Variants in PUS7L observed in about 807,000 individuals in gnomAD.
PUS7L encodes the protein pseudouridine synthase 7 like.
Under a neutral mutation model 51.1 loss-of-function variants are expected in PUS7L, and 49 were observed. That is an observed-to-expected ratio of 0.96 (90% confidence interval 0.76 to 1.22). The LOEUF (loss-of-function observed/expected upper bound fraction) is 1.22, where lower values mean the gene tolerates loss of function less well. Ranked by LOEUF, PUS7L falls within the 50% of genes most tolerant of loss-of-function variation. The probability of loss-of-function intolerance (pLI) is 0.00; values close to 1 mark genes in which losing one functional copy is unlikely to be tolerated. For synonymous variants in PUS7L, 277 were observed against 276.2 expected, an observed-to-expected ratio of 1.00 and a Z score of -0.03; for missense variants, 828 against 820.6, an observed-to-expected ratio of 1.01 and a Z score of -0.11.
At position 43,723,353 on chromosome 12, in the gene PUS7L, A is replaced by C. The variant is rs561091642; in HGVS notation, c.*7023T>G. 7.9e-4 allele frequency: 121 copies of C among 152,256 alleles called. No homozygotes were observed. Among genetic ancestry groups the C allele is most frequent in the African/African-American group, 2.8e-3 (116 of 41,594 alleles). The allele number at this position is 152,256 out of a possible 1,614,324, so 9.4% of individuals were successfully genotyped here. On this transcript the variant is annotated 3_prime_UTR_variant, in exon 9 of 9. Transcript: ENST00000344862. ...CCATTCTTTAAACTAGTAGCTTTTT[A>C]GAAAGCAGCATTTAGACTGAATAGT...
chr12:43,734,674 T>C (rs1208230005), intron 7 of PUS7L, among the ~76,000 whole-genome samples: 5 of 152,180 alleles, frequency 3.3e-5, no homozygotes, highest in African/African-American at 1.2e-4. Flanking sequence ...ATTTTTCTAG[T>C]AGAGACCCAA....
intron 2 of PUS7L, 22 bp from the exon 3 acceptor site, chr12:43,748,631 G>C (rs1163865483): frequency 1.9e-6 from 3 of 1,555,164 alleles, no homozygotes; most frequent in Non-Finnish European, 1.7e-6. Flanking sequence ...AAAAAACTTA[G>C]ATCACAAAAA....
At chr12:43,738,749 C>A in intron 5 of PUS7L, 2 of 241,988 alleles carry the variant, frequency 8.3e-6, no homozygotes, top group South Asian at 6.1e-5. Flanking sequence ...GTATTAAACC[C>A]TTATTTTTAA....
At chr12:43,734,868 C>T (rs1021136447) in intron 7 of PUS7L, among the ~76,000 whole-genome samples, 1 of 152,176 alleles carries the variant, frequency 6.6e-6, no homozygotes, top group East Asian at 1.9e-4. Flanking sequence ...GAAAGTGTTA[C>T]TCAAATTTTC....
intron 8 of PUS7L, among the ~76,000 whole-genome samples, 186 bp downstream of exon 8, chr12:43,731,518 AT>A (rs1437336256): frequency 6.6e-6 from 1 of 152,174 alleles, no homozygotes; most frequent in African/African-American, 2.4e-5. Context: ...ACAGTCCTAC[AT>A]TTATCAAAAA....
At chr12:43,748,336 T>A (rs1013430909) in intron 3 of PUS7L, 114 bp downstream of exon 3, 5 of 611,816 alleles carry the variant, frequency 8.2e-6, no homozygotes, top group African/African-American at 7.4e-5. Context: ...GAGACACTTT[T>A]CTGAATATAA....
At position 43,723,344 on chromosome 12, in the gene PUS7L, T is replaced by C. The variant is rs1195718393; in HGVS notation, c.*7032A>G. The C allele has an allele frequency of 2.0e-5, 3 of 152,124 alleles. No individual in the cohort carries two copies. The highest frequency in any genetic ancestry group is 4.4e-5 in the Non-Finnish European group (3 of 67,982). The allele number at this position is 152,124 out of a possible 1,614,324, so 9.4% of individuals were successfully genotyped here. On this transcript the variant is annotated 3_prime_UTR_variant, in exon 9 of 9. Transcript: ENST00000344862. ...CACCATTTCCCATTCTTTAAACTAG[T>C]AGCTTTTTAGAAAGCAGCATTTAGA...
rs555521915 is a variant in PUS7L at position 43,756,157 on chromosome 12, A to G, written c.-16-896T>C. ...CAATTTAGCAAATCACACCTTCTCA[A>G]TCCTTTCCATCATGCCATATAGAAA... On this transcript the variant is annotated intron_variant, in intron 1 of 8. Transcript: ENST00000344862. Among the ~76,000 whole-genome samples, 7 of 152,300 alleles carry G rather than the reference A, an allele frequency of 4.6e-5. No individual in the cohort carries two copies. The South Asian group carries it at 8.3e-4, about 18-fold the overall frequency.
At position 43,749,352 on chromosome 12, in the gene PUS7L, A is replaced by G. The variant is rs150821201; in HGVS notation, c.911-743T>C. ...CAGCGCTATTCAGAATACCGAAGAC[A>G]TGGAATCAACCTACGTGCCCAACAA... On this transcript the variant is annotated intron_variant, in intron 2 of 8. Transcript: ENST00000344862. 1.2e-4 allele frequency among the ~76,000 whole-genome samples: 19 copies of G among 152,312 alleles called. No individual in the cohort carries two copies. In the East Asian group the frequency reaches 3.3e-3, roughly 26 times the overall value.
Position 43,723,531 on chromosome 12 carries a change from C to G in PUS7L, c.*6845G>C, listed in dbSNP as rs1944421017. 6.6e-6 allele frequency: 1 copy of G among 152,084 alleles called. No homozygotes were observed. The highest frequency in any genetic ancestry group is 1.5e-5 in the Non-Finnish European group (1 of 67,954). The allele number at this position is 152,084 out of a possible 1,614,324, so 9.4% of individuals were successfully genotyped here. ...AAATGAAAAGATGCTGCTTGTTTTT[C>G]TCTTTACCATTTAGTCTGCATATTC... On this transcript the variant is annotated 3_prime_UTR_variant, in exon 9 of 9. Transcript: ENST00000344862.
chr12:43,728,752 C>T lies in PUS7L; in HGVS notation c.*1624G>A, dbSNP rs1944490076. ...TCTTCCAAACTTGCATCTGCAGACA[C>T]TTACTTAACAATAACTAAGTGCCAG... is the stretch of plus-strand genomic sequence containing the variant. On this transcript the variant is annotated 3_prime_UTR_variant, in exon 9 of 9. Coordinates refer to ENST00000344862, the MANE Select transcript of PUS7L (RefSeq NM_031292.5). 1 of 152,588 alleles carries T rather than the reference C, an allele frequency of 6.6e-6. No homozygotes were observed. The highest frequency in any genetic ancestry group is 2.4e-5 in the African/African-American group (1 of 41,480). The allele number at this position is 152,588 out of a possible 1,614,324, so 9.5% of individuals were successfully genotyped here. A position where few individuals can be genotyped will look rare whatever the true frequency, so the allele number is the denominator to read the frequency against.
In PUS7L at chr12:43,744,799, G is replaced by A. The variant is rs564882963; in HGVS notation, c.1263+1247C>T. Among the ~76,000 whole-genome samples the A allele has an allele frequency of 2.6e-5, 4 of 152,114 alleles. No individual in the cohort carries two copies. The South Asian group carries it at 8.3e-4, about 32-fold the overall frequency. On this transcript the variant is annotated intron_variant, in intron 4 of 8. Coordinates refer to ENST00000344862, the MANE Select transcript of PUS7L (RefSeq NM_031292.5). ...TGAGAAACTTGAATCAGTGTTTCTC[G>A]GTATTGGCTCTAAAGTACAGTCACC...
chr12:43,746,140 T>C lies in PUS7L; in HGVS notation c.1169A>G (p.Asn390Ser). 1 of 1,508,704 alleles carries C rather than the reference T, an allele frequency of 6.6e-7. No individual in the cohort carries two copies. The highest frequency in any genetic ancestry group is 1.4e-5 in the African/African-American group (1 of 72,722). The allele number at this position is 1,508,704 out of a possible 1,614,324, so 93.5% of individuals were successfully genotyped here. The change falls in exon 4 of 9, where the codon AAT becomes AGT. Residue 390 changes from asparagine (N) to serine (S), a missense_variant. Coordinates refer to ENST00000344862, the MANE Select transcript of PUS7L (RefSeq NM_031292.5). Reference sequence around the variant, plus strand: ...ATTTCTAATGACAATATCAAAGTGATTTCCTTTGAGCTGACCAAGTCTCAG... The same window carrying C: ...ATTTCTAATGACAATATCAAAGTGACTTCCTTTGAGCTGACCAAGTCTCAG... ...DSLRLGQLKG[N>S]HFDIVIRNLK... is the part of the protein sequence containing the mutation.
At position 43,723,439 on chromosome 12, in the gene PUS7L, A is replaced by G. The variant is rs565604342; in HGVS notation, c.*6937T>C. 1.7e-3 allele frequency: 253 copies of G among 152,244 alleles called. 1 individual carries two copies. The highest frequency in any genetic ancestry group is 5.9e-3 in the African/African-American group (244 of 41,580). The allele number at this position is 152,244 out of a possible 1,614,324, so 9.4% of individuals were successfully genotyped here. A position where few individuals can be genotyped will look rare whatever the true frequency, so the allele number is the denominator to read the frequency against. On this transcript the variant is annotated 3_prime_UTR_variant, in exon 9 of 9. Transcript: ENST00000344862. ...TAGAAATGCTAAATAAGTATCATTT[A>G]AGGATTTAGAATGGAGTGCTGAGAG...
At chr12:43,754,227 A>G in intron 2 of PUS7L, 109 bp downstream of exon 2, 1 of 715,058 alleles carries the variant, frequency 1.4e-6, no homozygotes, top group South Asian at 2.5e-5. Flanking sequence ...CCTAAAGGTA[A>G]ATCATATATT....
chr12:43,725,557 T>A lies in PUS7L; in HGVS notation c.*4819A>T, dbSNP rs1459650929. Reference sequence around the variant, plus strand: ...CAGCCTCCCAAGTAGCCCAGCTAATTTTTTTATTTTTAGTAGAGACAGGGT... The same window carrying A: ...CAGCCTCCCAAGTAGCCCAGCTAATATTTTTATTTTTAGTAGAGACAGGGT... On this transcript the variant is annotated 3_prime_UTR_variant, in exon 9 of 9. Coordinates refer to ENST00000344862, the MANE Select transcript of PUS7L (RefSeq NM_031292.5). 1 of 151,884 alleles carries A rather than the reference T, an allele frequency of 6.6e-6. No homozygotes were observed. Among genetic ancestry groups the A allele is most frequent in the Non-Finnish European group, 1.5e-5 (1 of 68,008 alleles). 9.4% of individuals were successfully genotyped at this position (151,884 alleles called of 1,614,324 possible). A position where few individuals can be genotyped will look rare whatever the true frequency, so the allele number is the denominator to read the frequency against.
At position 43,730,458 on chromosome 12, in the gene PUS7L, A is replaced by G. The variant is rs1263798313; in HGVS notation, c.2024T>C (p.Leu675Ser). The G allele has an allele frequency of 6.2e-7, 1 of 1,613,910 alleles. No homozygotes were observed. The highest frequency in any genetic ancestry group is 2.2e-5 in the East Asian group (1 of 44,840). Residue 675 changes from leucine (L) to serine (S), a missense_variant, in exon 9 of 9, where the codon TTG becomes TCG. By Grantham distance (145) the Leu-to-Ser change is moderately radical. Transcript: ENST00000344862. ...TKGSHIDETA[L>S]SLLISFDLDA... is the part of the protein sequence containing the mutation. Reference sequence around the variant, plus strand: ...AAGATCAAAAGAGATCAAAAGAGACAAAGCTGTTTCATCAATGTGGGAACC... The same window carrying G: ...AAGATCAAAAGAGATCAAAAGAGACGAAGCTGTTTCATCAATGTGGGAACC...
chr12:43,744,728 T>C (rs75577340), intron 4 of PUS7L, among the ~76,000 whole-genome samples: 1,753 of 152,296 alleles, frequency 0.012, 32 homozygotes, highest in African/African-American at 0.04. Flanking sequence ...TTTTTGTTTG[T>C]TTTCCTGTTG....
rs1944427546 is a variant in PUS7L at position 43,724,151 on chromosome 12, T to C, written c.*6225A>G. On this transcript the variant is annotated 3_prime_UTR_variant, in exon 9 of 9. Transcript: ENST00000344862. Reference sequence around the variant, plus strand: ...GTAAAAGACTTTGCATTAAATTATATAGAGTTTCATTTTCTTTTTGTTCTC... The same window carrying C: ...GTAAAAGACTTTGCATTAAATTATACAGAGTTTCATTTTCTTTTTGTTCTC... 1 of 152,218 alleles carries C rather than the reference T, an allele frequency of 6.6e-6. No homozygotes were observed. The highest frequency in any genetic ancestry group is 2.1e-4 in the South Asian group (1 of 4,822). The allele number at this position is 152,218 out of a possible 1,614,324, so 9.4% of individuals were successfully genotyped here.
Sources: allele counts gnomAD v4.1 joint callset (sites outside exome capture counted in the v4.1 genomes callset), GRCh38; gene constraint gnomAD v4.1.1; transcripts MANE v1.5; gene names NCBI Gene and HGNC (gene_info 2026-07-23, HGNC 2026-07-21).